Variants in EMCN observed in about 807,000 individuals in gnomAD.
EMCN encodes MUC-14.
A neutral mutation model predicts 38.4 loss-of-function variants in EMCN; 37 were observed. That is an observed-to-expected ratio of 0.96 (90% CI 0.74 to 1.27). EMCN has a LOEUF of 1.27. EMCN is among the 50% of genes most tolerant of loss of function. The pLI, the probability that EMCN is intolerant of heterozygous loss-of-function variation, is 0.00. For missense variants in EMCN, 318 were observed against 302.8 expected (o/e 1.05, Z -0.37); for synonymous variants, 95 against 100.8 (o/e 0.94, Z 0.35).
intron 4 of EMCN, among the ~76,000 whole-genome samples, chr4:100,450,785 C>T (rs1436000975): frequency 6.6e-6 from 1 of 151,788 alleles, no homozygotes; most frequent in Non-Finnish European, 1.5e-5. Flanking sequence ...GTTTCATAGA[C>T]AAATGGTGCA....
At chr4:100,459,268 T>C (rs1458743946) in intron 4 of EMCN, among the ~76,000 whole-genome samples, 2 of 145,160 alleles carry the variant, frequency 1.4e-5, no homozygotes, top group Non-Finnish European at 3.0e-5. Context: ...TTTTCAGTAT[T>C]TTCAGTATAT....
intron 5 of EMCN, among the ~76,000 whole-genome samples, chr4:100,434,974 G>A (rs1226580807): frequency 6.6e-6 from 1 of 152,128 alleles, no homozygotes; most frequent in African/African-American, 2.4e-5. Context: ...ACAAGACAAG[G>A]ATCCCCTCTT....
intron 4 of EMCN, among the ~76,000 whole-genome samples, chr4:100,454,176 T>C (rs560617825): frequency 7.5e-6 from 1 of 133,162 alleles, no homozygotes; most frequent in Non-Finnish European, 1.6e-5. Context: ...AGTATAATAA[T>C]AATAAAAAAA....
intron 3 of EMCN, among the ~76,000 whole-genome samples, chr4:100,470,944 A>G (rs768019694): frequency 6.6e-6 from 1 of 152,058 alleles, no homozygotes; most frequent in African/African-American, 2.4e-5. Flanking sequence ...TACGGAATGC[A>G]GAGAAAGCAA....
chr4:100,510,547 C>T (rs1041129097), intron 1 of EMCN, among the ~76,000 whole-genome samples: 3 of 152,270 alleles, frequency 2.0e-5, no homozygotes, highest in East Asian at 1.9e-4. Context: ...CTCAGCAAAA[C>T]TTTATATAAC....
At chr4:100,517,819 C>T (rs1729798352) in intron 1 of EMCN, 32 bp downstream of exon 1, 4 of 1,606,038 alleles carry the variant, frequency 2.5e-6, no homozygotes, top group East Asian at 2.2e-5. Flanking sequence ...ATTTCCAATC[C>T]GTACCACCAG....
At chr4:100,514,913 C>T (rs562081919) in intron 1 of EMCN, among the ~76,000 whole-genome samples, 1 of 152,166 alleles carries the variant, frequency 6.6e-6, no homozygotes, top group South Asian at 2.1e-4. Context: ...TAATAACTTC[C>T]CTCATCTTCC....
intron 1 of EMCN, among the ~76,000 whole-genome samples, chr4:100,505,092 T>G (rs1729446895): frequency 6.6e-6 from 1 of 152,196 alleles, no homozygotes; most frequent in South Asian, 2.1e-4. Flanking sequence ...CCCTGTCCAG[T>G]GGACATGTGA....
At chr4:100,464,263 A>G (rs180989101) in intron 4 of EMCN, among the ~76,000 whole-genome samples, 3 of 151,998 alleles carry the variant, frequency 2.0e-5, no homozygotes, top group Admixed American at 6.6e-5. Flanking sequence ...TGTGCTACAA[A>G]CCGCTCTTTA....
chr4:100,488,127 ATT>A (rs1036843096), intron 1 of EMCN, among the ~76,000 whole-genome samples: 1 of 152,170 alleles, frequency 6.6e-6, no homozygotes, highest in African/African-American at 2.4e-5. Flanking sequence ...CTGGGCCTCC[ATT>A]TTTTCATCTA....
chr4:100,469,741 G>C (rs577335994), intron 3 of EMCN, among the ~76,000 whole-genome samples: 2 of 151,850 alleles, frequency 1.3e-5, no homozygotes, highest in Non-Finnish European at 2.9e-5. Context: ...GATAGTGTAG[G>C]TATGTGGCCT....
At chr4:100,447,232 C>T (rs1727697245) in intron 5 of EMCN, among the ~76,000 whole-genome samples, 2 of 152,132 alleles carry the variant, frequency 1.3e-5, no homozygotes, top group Non-Finnish European at 1.5e-5. Flanking sequence ...ACACTGACAA[C>T]AGAAACAGAT....
chr4:100,438,903 T>A (rs1182886063), intron 5 of EMCN, among the ~76,000 whole-genome samples: 1 of 152,108 alleles, frequency 6.6e-6, no homozygotes, highest in Non-Finnish European at 1.5e-5. Flanking sequence ...TTTGTATATG[T>A]TAAACTAGCC....
At chr4:100,422,948 C>A in intron 7 of EMCN, 73 bp downstream of exon 7, 1 of 1,440,988 alleles carries the variant, frequency 6.9e-7, no homozygotes, top group Non-Finnish European at 9.8e-7. Context: ...TAATCTGATT[C>A]CTCTCCTTTA....
intron 11 of EMCN, among the ~76,000 whole-genome samples, chr4:100,400,353 A>ATTTTTTTTTTTTTT: frequency 6.8e-6 from 1 of 146,748 alleles, no homozygotes; most frequent in Non-Finnish European, 1.5e-5. Context: ...CCTAGGCCAC[A>ATTTTTTTTTTTTTT]TTTTTTTTTT....
chr4:100,403,447 ATGGGCATCTAGGTTGG>A (rs141608043), intron 11 of EMCN, among the ~76,000 whole-genome samples: 26,132 of 150,948 alleles, frequency 0.17, 3,770 homozygotes, highest in East Asian at 0.77. Context: ...TCCACCACTG[ATGGGCATCTAGGTTGG>A]TGGGCATCTA....
In EMCN at chr4:100,441,606, T is replaced by C. The variant is rs1409359666; in HGVS notation, c.415+5927A>G. On this transcript the variant is annotated intron_variant, in intron 5 of 11. Transcript: ENST00000296420. ...CTCTCTCATTGTCTACCTTTGTAAT[T>C]TGGTAATTTTCTGTAGTGTTAATCC... Among the ~76,000 whole-genome samples, 4 of 152,326 alleles carry C rather than the reference T, an allele frequency of 2.6e-5. No homozygotes were observed. In the South Asian group the frequency reaches 6.2e-4, roughly 24 times the overall value.
At chr4:100,401,987 A>G (rs927427013) in intron 11 of EMCN, among the ~76,000 whole-genome samples, 63 of 152,278 alleles carry the variant, frequency 4.1e-4, no homozygotes, top group African/African-American at 1.5e-3. Flanking sequence ...TTAATTTTAT[A>G]TCTTAGACAT....
At chr4:100,441,651 C>A (rs1421366520) in intron 5 of EMCN, among the ~76,000 whole-genome samples, 4 of 151,612 alleles carry the variant, frequency 2.6e-5, no homozygotes, top group Non-Finnish European at 5.9e-5. Flanking sequence ...TTCTCTTTAT[C>A]ATTTATATAC....
Sources: allele counts gnomAD v4.1 joint callset (sites outside exome capture counted in the v4.1 genomes callset), GRCh38; gene constraint gnomAD v4.1.1; transcripts MANE v1.5; gene names NCBI Gene and HGNC (gene_info 2026-07-23, HGNC 2026-07-21).